The following ZNF536 variants were observed in gnomAD, a reference collection of about 807,000 sequenced individuals.
ZNF536 encodes the protein zinc finger protein 536.
Under a neutral mutation model 84.5 loss-of-function variants are expected in ZNF536, and 13 were observed. The ratio of observed to expected loss-of-function variants is 0.15; its 90% confidence interval spans 0.10 to 0.24. The LOEUF is 0.24. Ranked by LOEUF, ZNF536 falls within the 10% of genes least tolerant of loss-of-function variation. The pLI is 1.00. For missense variants in ZNF536, 1,536 were observed against 1,747.5 expected (o/e 0.88, Z 2.16); for synonymous variants, 811 against 742.5 (o/e 1.09, Z -1.50).
intron 2 of ZNF536, among the ~76,000 whole-genome samples, chr19:30,532,494 C>A (rs933825858): frequency 2.0e-5 from 3 of 152,206 alleles, no homozygotes; most frequent in Admixed American, 6.5e-5. Flanking sequence ...ATCCAGGACA[C>A]CTTAGTCCTG....
intron 2 of ZNF536, among the ~76,000 whole-genome samples, chr19:30,316,531 G>T (rs10420044): frequency 0.011 from 1,621 of 152,130 alleles, 28 homozygotes; most frequent in African/African-American, 0.037. Flanking sequence ...AACATTTTTG[G>T]GGGGCTGCTG....
chr19:30,282,611 AC>A (rs1173122045), intron 1 of ZNF536, among the ~76,000 whole-genome samples: 2 of 151,972 alleles, frequency 1.3e-5, no homozygotes, highest in East Asian at 3.9e-4. Flanking sequence ...ATCTCCTGCA[AC>A]CCCCTCCCTA....
chr19:30,375,667 C>A (rs575263500), intron 1 of ZNF536, among the ~76,000 whole-genome samples: 109 of 152,312 alleles, frequency 7.2e-4, no homozygotes, highest in African/African-American at 2.5e-3. Flanking sequence ...ATGGCGTGTG[C>A]CTGGAGATGG....
At position 30,467,655 on chromosome 19, in the gene ZNF536, G is replaced by C. The variant is rs183155044; in HGVS notation, c.2170+21923G>C. Among the ~76,000 whole-genome samples, 18 of 152,304 alleles carry C rather than the reference G, an allele frequency of 1.2e-4. No homozygotes were observed. The East Asian group carries it at 3.5e-3, about 29-fold the overall frequency. On this transcript the variant is annotated intron_variant, in intron 2 of 4. Coordinates refer to ENST00000355537, the MANE Select transcript of ZNF536 (RefSeq NM_014717.3). Reference sequence around the variant, plus strand: ...AACCCATGAAGGCCATTCATTCATGGATTGTATCCTATGCTACTGGCTCTC... The same window carrying C: ...AACCCATGAAGGCCATTCATTCATGCATTGTATCCTATGCTACTGGCTCTC...
chr19:30,338,480 ATAG>A (rs2047457991), intron 2 of ZNF536, among the ~76,000 whole-genome samples: 1 of 137,910 alleles, frequency 7.3e-6, no homozygotes. Context: ...GACAATGATG[ATAG>A]TGATGATGAT....
chr19:30,282,459 G>A (rs1453830457), intron 1 of ZNF536, among the ~76,000 whole-genome samples: 1 of 152,206 alleles, frequency 6.6e-6, no homozygotes, highest in African/African-American at 2.4e-5. Flanking sequence ...TGGACAAACC[G>A]GTGTGGGACT....
intron 1 of ZNF536, among the ~76,000 whole-genome samples, chr19:30,251,178 T>C (rs564007960): frequency 2.0e-5 from 3 of 152,348 alleles, no homozygotes; most frequent in African/African-American, 7.2e-5. Context: ...CACTTGAGTG[T>C]CTGGGTTCCA....
chr19:30,589,912 T>C (rs1309482179), intron 1 of ZNF536, among the ~76,000 whole-genome samples: 1 of 152,182 alleles, frequency 6.6e-6, no homozygotes, highest in East Asian at 1.9e-4. Context: ...CTTTGGTGTC[T>C]AGGGGTGCCA....
chr19:30,461,886 C>T (rs2053155169), intron 2 of ZNF536, among the ~76,000 whole-genome samples: 1 of 152,176 alleles, frequency 6.6e-6, no homozygotes, highest in African/African-American at 2.4e-5. Flanking sequence ...CCGGTGCTGC[C>T]TTGTGCATGA....
In ZNF536 at chr19:30,445,086, G is replaced by A. The variant is rs2052256875; in HGVS notation, c.1524G>A (p.Ala508=). The A allele has an allele frequency of 1.2e-6, 2 of 1,613,450 alleles. No individual in the cohort carries two copies. Among genetic ancestry groups the A allele is most frequent in the South Asian group, 1.1e-5 (1 of 91,076 alleles). Residue 508 remains alanine, a synonymous_variant, in exon 2 of 5, where the codon GCG becomes GCA. Transcript: ENST00000355537. This position sits in a 1 kb window ranked among gnomAD's most constrained non-coding sequence, Gnocchi z 4.5. Reference sequence around the variant, plus strand: ...CCAGCTGCATCGAGCGGCTGCAGGCGGCTGCCAAGGCTGCGGAGATGGACC... The same window carrying A: ...CCAGCTGCATCGAGCGGCTGCAGGCAGCTGCCAAGGCTGCGGAGATGGACC... ...LKSSCIERLQ[A]AAKAAEMDPV...
At chr19:30,509,180 A>G (rs1198563927) in intron 2 of ZNF536, among the ~76,000 whole-genome samples, 1 of 148,734 alleles carries the variant, frequency 6.7e-6, no homozygotes, top group African/African-American at 2.5e-5. Flanking sequence ...TTCCAAAAGT[A>G]ACTGAACCAA....
At chr19:30,568,630 G>A (rs1025199418) in intron 1 of ZNF536, among the ~76,000 whole-genome samples, 7 of 152,148 alleles carry the variant, frequency 4.6e-5, no homozygotes, top group African/African-American at 1.7e-4. Flanking sequence ...GGTTTTCCAA[G>A]GCAGACATAC....
At chr19:30,521,195 C>T (rs777130105) in intron 2 of ZNF536, among the ~76,000 whole-genome samples, 45 of 152,304 alleles carry the variant, frequency 3.0e-4, no homozygotes, top group Non-Finnish European at 4.1e-4. Context: ...TTGAGGTGCT[C>T]GAATGCCCAG....
In ZNF536 at chr19:30,267,378, T is replaced by C. The variant is rs528534009; in HGVS notation, c.-189-16694T>C. 3.9e-5 allele frequency among the ~76,000 whole-genome samples: 6 copies of C among 152,316 alleles called. No homozygotes were observed. The South Asian group carries it at 1.2e-3, about 32-fold the overall frequency. ...TAGCCATAAAAGTCCTGTTTTATAA[T>C]AATCTTTCATTCTTCCTCATTTTAT... On this transcript the variant is annotated intron_variant, in intron 1 of 5. Coordinates refer to the ZNF536 transcript ENST00000585628.
chr19:30,698,812 A>G (rs1368862290), intron 1 of ZNF536, among the ~76,000 whole-genome samples: 1 of 152,204 alleles, frequency 6.6e-6, no homozygotes, highest in Non-Finnish European at 1.5e-5. Flanking sequence ...TTTGGAAGGA[A>G]GTCACTTGGC....
At chr19:30,282,094 G>A (rs1201944901) in intron 1 of ZNF536, among the ~76,000 whole-genome samples, 1 of 152,228 alleles carries the variant, frequency 6.6e-6, no homozygotes, top group Non-Finnish European at 1.5e-5. Flanking sequence ...TGGTCAGATG[G>A]AGTCACCTTT....
chr19:30,499,510 A>G (rs1374735616), intron 2 of ZNF536, among the ~76,000 whole-genome samples: 1 of 152,172 alleles, frequency 6.6e-6, no homozygotes, highest in Non-Finnish European at 1.5e-5. Flanking sequence ...GTATCTGTCT[A>G]TGTATCCATA....
intron 2 of ZNF536, among the ~76,000 whole-genome samples, chr19:30,455,116 A>ATGCTGTTGT (rs1471459116): frequency 1.3e-5 from 2 of 152,192 alleles, no homozygotes; most frequent in African/African-American, 4.8e-5. Flanking sequence ...TGACTTTATG[A>ATGCTGTTGT]TGCTGTTGTT....
chr19:30,669,543 TC>T (rs1354927147), intron 1 of ZNF536, among the ~76,000 whole-genome samples: 1 of 152,160 alleles, frequency 6.6e-6, no homozygotes, highest in African/African-American at 2.4e-5. Flanking sequence ...TCCCTTGGCC[TC>T]CCTGTCCTCA....
Sources: allele counts gnomAD v4.1 joint callset (sites outside exome capture counted in the v4.1 genomes callset), GRCh38; gene constraint gnomAD v4.1.1; non-coding constraint Gnocchi (gnomAD v3.1); transcripts MANE v1.5; gene names NCBI Gene and HGNC (gene_info 2026-07-23, HGNC 2026-07-21).